TASP1: variants seen among roughly 807,000 people sequenced by gnomAD.
TASP1 encodes threonine aspartase 1.
In TASP1, 16 loss-of-function variants were observed where a neutral mutation model predicts 56.6. That is an observed-to-expected ratio of 0.28 (90% confidence interval 0.19 to 0.43). The LOEUF (loss-of-function observed/expected upper bound fraction) is 0.43. Ranked by LOEUF, TASP1 falls within the 20% of genes least tolerant of loss-of-function variation. The pLI, the probability that TASP1 is intolerant of heterozygous loss-of-function variation, is 1.00. For missense variants in TASP1, 393 were observed against 511.6 expected (o/e 0.77, Z 2.24); for synonymous variants, 179 against 184.2 (o/e 0.97, Z 0.23).
At chr20:13,599,582 C>T (rs930340607) in intron 4 of TASP1, among the ~76,000 whole-genome samples, 1 of 151,994 alleles carries the variant, frequency 6.6e-6, no homozygotes, top group Non-Finnish European at 1.5e-5. Flanking sequence ...ATGTAAATGA[C>T]GAGTTGATGG....
intron 7 of TASP1, among the ~76,000 whole-genome samples, chr20:13,560,667 G>A (rs759076861): frequency 5.9e-5 from 9 of 152,110 alleles, no homozygotes; most frequent in Non-Finnish European, 1.0e-4. Context: ...CAAAGTATTC[G>A]AAAGAGGTGG....
the TASP1 span, among the ~76,000 whole-genome samples, chr20:13,227,911 T>G: frequency 2.0e-5 from 3 of 152,210 alleles, no homozygotes; most frequent in East Asian, 3.9e-4. Context: ...AATAATTATT[T>G]AGACTTAATT....
At chr20:13,563,667 C>CTTT (rs75277729) in intron 7 of TASP1, among the ~76,000 whole-genome samples, 1 of 137,766 alleles carries the variant, frequency 7.3e-6, no homozygotes, top group African/African-American at 2.7e-5. Flanking sequence ...GCCATATGAT[C>CTTT]TTTTTTTTTT....
At chr20:13,221,594 C>A in the TASP1 span, among the ~76,000 whole-genome samples, 1 of 146,284 alleles carries the variant, frequency 6.8e-6, no homozygotes, top group Admixed American at 6.8e-5. Flanking sequence ...CTCCTGCTCC[C>A]CCGGCCCCGC....
chr20:13,172,423 C>A, the TASP1 span, among the ~76,000 whole-genome samples: 2 of 152,064 alleles, frequency 1.3e-5, no homozygotes, highest in African/African-American at 4.8e-5. Flanking sequence ...CCAATCTGCA[C>A]CAATACTATT....
At chr20:13,256,815 A>G in the TASP1 span, among the ~76,000 whole-genome samples, 1 of 152,188 alleles carries the variant, frequency 6.6e-6, no homozygotes, top group African/African-American at 2.4e-5. Flanking sequence ...GATGATAATT[A>G]TATCCACCCA....
the TASP1 span, among the ~76,000 whole-genome samples, chr20:13,160,600 C>A: frequency 1.3e-5 from 2 of 152,198 alleles, no homozygotes; most frequent in Non-Finnish European, 2.9e-5. Flanking sequence ...TTTAAAATTG[C>A]CTTTTATTGT....
the TASP1 span, among the ~76,000 whole-genome samples, chr20:13,214,890 G>A: frequency 1.2e-4 from 18 of 152,086 alleles, no homozygotes; most frequent in Non-Finnish European, 2.2e-4. Flanking sequence ...ATGGCGCAAG[G>A]AGCCAGACAC....
chr20:13,400,248 CA>C (rs972438650), intron 13 of TASP1, among the ~76,000 whole-genome samples: 1 of 152,104 alleles, frequency 6.6e-6, no homozygotes, highest in African/African-American at 2.4e-5. Context: ...ATAATTCATT[CA>C]AAAAATGAGA....
At chr20:13,268,006 G>T in the TASP1 span, among the ~76,000 whole-genome samples, 1 of 152,178 alleles carries the variant, frequency 6.6e-6, no homozygotes, top group Non-Finnish European at 1.5e-5. Context: ...TAGGGTTGGA[G>T]ATTAAGGGAA....
the TASP1 span, among the ~76,000 whole-genome samples, chr20:13,188,256 G>C: frequency 6.6e-6 from 1 of 152,132 alleles, no homozygotes; most frequent in Non-Finnish European, 1.5e-5. Flanking sequence ...AAGCCAAACT[G>C]TTCCTGCTTG....
At chr20:13,506,669 A>C (rs2044144132) in intron 10 of TASP1, among the ~76,000 whole-genome samples, 1 of 152,172 alleles carries the variant, frequency 6.6e-6, no homozygotes, top group Admixed American at 6.5e-5. Context: ...GAGACAGAAG[A>C]AGCACTTGAG....
chr20:13,329,793 TC>T, the TASP1 span, among the ~76,000 whole-genome samples: 2 of 152,112 alleles, frequency 1.3e-5, no homozygotes, highest in Non-Finnish European at 2.9e-5. Context: ...AGTTAGGACT[TC>T]CAGTATAATG....
intron 6 of TASP1, 98 bp downstream of exon 6, chr20:13,580,799 G>T (rs915752212): frequency 1.7e-6 from 2 of 1,169,168 alleles, no homozygotes; most frequent in Non-Finnish European, 2.5e-6. Flanking sequence ...TGTCTTCTTC[G>T]CAAAGGCATG....
At chr20:13,225,501 G>A in the TASP1 span, among the ~76,000 whole-genome samples, 11,562 of 151,974 alleles carry the variant, frequency 0.076, 473 homozygotes, top group African/African-American at 0.087. Context: ...TTTTTTTGTA[G>A]TTTCAGCGCA....
intron 8 of TASP1, among the ~76,000 whole-genome samples, chr20:13,556,137 A>G (rs924169392): frequency 3.3e-5 from 5 of 152,186 alleles, no homozygotes; most frequent in African/African-American, 1.2e-4. Flanking sequence ...CTACTCTTTT[A>G]GTAAATGGCA....
the TASP1 span, among the ~76,000 whole-genome samples, chr20:13,360,870 C>T: frequency 6.6e-6 from 1 of 152,284 alleles, no homozygotes; most frequent in Non-Finnish European, 1.5e-5. Context: ...ATCCACCTGA[C>T]ATTCACATTT....
At chr20:13,185,353 C>A in the TASP1 span, among the ~76,000 whole-genome samples, 1 of 152,082 alleles carries the variant, frequency 6.6e-6, no homozygotes, top group Non-Finnish European at 1.5e-5. Context: ...AGCTCCACTG[C>A]CATCTTTCTG....
chr20:13,514,076 G>A (rs2044435482), intron 10 of TASP1, among the ~76,000 whole-genome samples: 1 of 152,106 alleles, frequency 6.6e-6, no homozygotes, highest in Non-Finnish European at 1.5e-5. Context: ...CAAATGTGCA[G>A]CAAATCTTCA....
Sources: allele counts gnomAD v4.1 joint callset (sites outside exome capture counted in the v4.1 genomes callset), GRCh38; gene constraint gnomAD v4.1.1; transcripts MANE v1.5; gene names NCBI Gene and HGNC (gene_info 2026-07-23, HGNC 2026-07-21).